Variants in COL4A1 observed in about 807,000 individuals in gnomAD.
The protein encoded by COL4A1 is collagen alpha-1(IV) chain.
In COL4A1, 40 loss-of-function variants were observed where a neutral mutation model predicts 216.6. That is an observed-to-expected ratio of 0.18 (90% CI 0.14 to 0.24). The LOEUF is 0.24. Among genes scored for constraint, COL4A1 ranks in the 10% least tolerant of loss-of-function variants. The probability of loss-of-function intolerance (pLI) is 1.00; values close to 1 mark genes in which losing one functional copy is unlikely to be tolerated. For synonymous variants in COL4A1, 839 were observed against 810.7 expected (o/e 1.03, Z -0.59); for missense variants, 1,628 against 2,196.8 (o/e 0.74, Z 5.18).
chr13:110,208,439 C>T (rs1042862293), intron 12 of COL4A1, among the ~76,000 whole-genome samples: 11 of 152,162 alleles, frequency 7.2e-5, no homozygotes, highest in African/African-American at 2.4e-4. Flanking sequence ...GGTGAGGGGC[C>T]GCTGCCCACC....
At chr13:110,250,373 C>T (rs973818891) in intron 1 of COL4A1, among the ~76,000 whole-genome samples, 1 of 152,200 alleles carries the variant, frequency 6.6e-6, no homozygotes, top group Non-Finnish European at 1.5e-5. Flanking sequence ...CAAGAAACCA[C>T]ACGCCTTGAG....
chr13:110,301,122 T>G (rs1173893618), intron 1 of COL4A1, among the ~76,000 whole-genome samples: 4 of 152,202 alleles, frequency 2.6e-5, no homozygotes, highest in African/African-American at 9.6e-5. Context: ...CTACTCCAAA[T>G]TCCAAATTAA....
intron 2 of COL4A1, among the ~76,000 whole-genome samples, chr13:110,216,774 C>T (rs1880106308): frequency 6.6e-6 from 1 of 152,172 alleles, no homozygotes; most frequent in East Asian, 1.9e-4. Context: ...AACAATTCAC[C>T]AACTTCATGT....
intron 2 of COL4A1, among the ~76,000 whole-genome samples, chr13:110,240,557 G>A (rs1320328580): frequency 1.3e-5 from 2 of 152,256 alleles, no homozygotes; most frequent in African/African-American, 4.8e-5. Flanking sequence ...AGCCAGGACA[G>A]GCACAGACCT....
intron 21 of COL4A1, among the ~76,000 whole-genome samples, chr13:110,195,749 T>C (rs1469609585): frequency 6.6e-6 from 1 of 152,232 alleles, no homozygotes; most frequent in African/African-American, 2.4e-5. Context: ...GGATACACAC[T>C]GAGATGGAGT....
chr13:110,182,876 GA>G, intron 28 of COL4A1, 116 bp downstream of exon 28: 1 of 966,270 alleles, frequency 1.0e-6, no homozygotes, highest in Admixed American at 2.2e-5. Context: ...GGGCTCTTCT[GA>G]AAGCCTCCCT....
At chr13:110,179,061 G>A (rs1325175107) in intron 30 of COL4A1, 25 bp from the exon 31 acceptor site, 2 of 1,596,886 alleles carry the variant, frequency 1.3e-6, no homozygotes, top group Non-Finnish European at 1.7e-6. Context: ...TTGAGAGTAA[G>A]CTGTACAGGA....
chr13:110,244,555 C>G (rs779502744), intron 1 of COL4A1, among the ~76,000 whole-genome samples: 2 of 152,168 alleles, frequency 1.3e-5, no homozygotes, highest in Non-Finnish European at 2.9e-5. Context: ...TGGACAAATA[C>G]CAGTACTGAG....
intron 1 of COL4A1, among the ~76,000 whole-genome samples, chr13:110,306,502 AGGG>A (rs1884715538): frequency 6.6e-6 from 1 of 152,164 alleles, no homozygotes. Flanking sequence ...AGCTGCTCCC[AGGG>A]GCTAGGAGCT....
intron 2 of COL4A1, among the ~76,000 whole-genome samples, chr13:110,233,357 G>T (rs776684996): frequency 2.0e-5 from 3 of 152,074 alleles, no homozygotes; most frequent in Admixed American, 6.5e-5. Context: ...AAGGAAAAGA[G>T]AATGTATTCT....
intron 2 of COL4A1, among the ~76,000 whole-genome samples, chr13:110,241,929 C>A (rs903372377): frequency 1.3e-5 from 2 of 152,218 alleles, no homozygotes; most frequent in African/African-American, 4.8e-5. Context: ...AGGGTCCCAA[C>A]CTGCTGTGCG....
chr13:110,233,613 C>T (rs1046863046), intron 2 of COL4A1, among the ~76,000 whole-genome samples: 5 of 152,156 alleles, frequency 3.3e-5, no homozygotes, highest in African/African-American at 1.2e-4. Flanking sequence ...AACAAAAACT[C>T]GCAGCGGTAT....
At chr13:110,199,299 G>C (rs1393424936) in intron 20 of COL4A1, among the ~76,000 whole-genome samples, 2 of 152,232 alleles carry the variant, frequency 1.3e-5, no homozygotes, top group African/African-American at 4.8e-5. Context: ...ATGATGAGGA[G>C]AGTGTGAGAA....
chr13:110,161,683 G>A (rs1366901027), intron 48 of COL4A1, among the ~76,000 whole-genome samples: 1 of 152,236 alleles, frequency 6.6e-6, no homozygotes, highest in Admixed American at 6.5e-5. Context: ...TCTTTCTATA[G>A]CAGCTTGCTG....
chr13:110,149,935 A>C lies in COL4A1; in HGVS notation c.*428T>G. On this transcript the variant is annotated 3_prime_UTR_variant, in exon 52 of 52. Coordinates refer to ENST00000375820, the MANE Select transcript of COL4A1 (RefSeq NM_001845.6). ...TTATTTGTACAGACCAAGGGACCTA[A>C]ATTTTGAAACAGCTAGACAGTGATA... The C allele has an allele frequency of 3.4e-6, 1 of 296,088 alleles. No homozygotes were observed. The highest frequency in any genetic ancestry group is 3.2e-5 in the South Asian group (1 of 30,860). 18.3% of individuals were successfully genotyped at this position (296,088 alleles called of 1,614,324 possible). A position where few individuals can be genotyped will look rare whatever the true frequency, so the allele number is the denominator to read the frequency against.
chr13:110,258,495 A>G (rs9515176), intron 1 of COL4A1, among the ~76,000 whole-genome samples: 24,306 of 152,100 alleles, frequency 0.16, 2,239 homozygotes, highest in Non-Finnish European at 0.21. Context: ...AGCCAAGATC[A>G]TGCCACTGCA....
intron 2 of COL4A1, among the ~76,000 whole-genome samples, chr13:110,223,761 C>T (rs1022410224): frequency 4.6e-5 from 7 of 152,162 alleles, no homozygotes; most frequent in Non-Finnish European, 1.0e-4. Flanking sequence ...GCAAAACCAT[C>T]CTCCAAATAA....
intron 1 of COL4A1, among the ~76,000 whole-genome samples, chr13:110,244,211 C>A (rs996178824): frequency 2.6e-5 from 4 of 152,116 alleles, no homozygotes; most frequent in Non-Finnish European, 4.4e-5. Context: ...GCCATGGAGA[C>A]GCCTGCATAA....
Position 110,161,824 on chromosome 13 carries a change from C to T in COL4A1, c.4462+406G>A, listed in dbSNP as rs112019686. ...TGATCTAAACTAGAGGAGCAGAGCT[C>T]AGCAGCTGTAGAGAATTTCAGACAG... is the stretch of plus-strand genomic sequence containing the variant. On this transcript the variant is annotated intron_variant, in intron 48 of 51. Coordinates refer to ENST00000375820, the MANE Select transcript of COL4A1 (RefSeq NM_001845.6). 8.3e-5 allele frequency: 27 copies of T among 324,556 alleles called. 1 individual carries two copies. The highest frequency in any genetic ancestry group is 5.5e-4 in the African/African-American group (26 of 47,082). 20.1% of individuals were successfully genotyped at this position (324,556 alleles called of 1,614,324 possible).
Sources: allele counts gnomAD v4.1 joint callset (sites outside exome capture counted in the v4.1 genomes callset), GRCh38; gene constraint gnomAD v4.1.1; transcripts MANE v1.5; gene names NCBI Gene and HGNC (gene_info 2026-07-23, HGNC 2026-07-21).